PTPRD: variants seen among roughly 807,000 people sequenced by gnomAD.
PTPRD encodes the protein protein tyrosine phosphatase receptor type D.
Under a neutral mutation model 214.5 loss-of-function variants are expected in PTPRD, and 34 were observed. That is an observed-to-expected ratio of 0.16 (90% confidence interval 0.12 to 0.21). The LOEUF is 0.21. PTPRD is among the 10% of genes least tolerant of loss of function. PTPRD has a pLI of 1.00. For synonymous variants in PTPRD, 1,128 were observed against 845.7 expected (o/e 1.33, Z -5.79); for missense variants, 2,545 against 2,398.7 (o/e 1.06, Z -1.27).
At chr9:8,752,536 G>C (rs2093630122) in intron 11 of PTPRD, among the ~76,000 whole-genome samples, 1 of 152,078 alleles carries the variant, frequency 6.6e-6, no homozygotes, top group African/African-American at 2.4e-5. Context: ...TAATAAACTT[G>C]CTTTCACTTT....
intron 2 of PTPRD, among the ~76,000 whole-genome samples, chr9:10,415,912 G>A (rs1298082523): frequency 6.6e-6 from 1 of 151,882 alleles, no homozygotes; most frequent in Non-Finnish European, 1.5e-5. Context: ...GAAATCCAGA[G>A]AGAGAACATT....
At chr9:8,515,732 T>C (rs149430595) in intron 21 of PTPRD, among the ~76,000 whole-genome samples, 5 of 152,290 alleles carry the variant, frequency 3.3e-5, no homozygotes, top group Non-Finnish European at 5.9e-5. Context: ...ATTAAGTATA[T>C]TTCCCTCACA....
intron 7 of PTPRD, among the ~76,000 whole-genome samples, chr9:9,675,663 T>A (rs942800531): frequency 1.3e-5 from 2 of 152,032 alleles, no homozygotes; most frequent in African/African-American, 4.8e-5. Flanking sequence ...TCTATGAAAT[T>A]AGCACCAGAG....
intron 2 of PTPRD, among the ~76,000 whole-genome samples, chr9:10,434,169 T>C (rs1246623748): frequency 6.6e-6 from 1 of 151,898 alleles, no homozygotes; most frequent in Non-Finnish European, 1.5e-5. Flanking sequence ...CAAATTTAGT[T>C]GACTCTCTAG....
intron 3 of PTPRD, among the ~76,000 whole-genome samples, chr9:10,125,315 G>C (rs140628237): frequency 2.5e-3 from 377 of 151,794 alleles, no homozygotes; most frequent in Non-Finnish European, 4.1e-3. Context: ...ATTTAAAGTG[G>C]TTGTGAGGAA....
intron 5 of PTPRD, among the ~76,000 whole-genome samples, chr9:9,767,125 GA>G (rs1156523815): frequency 6.7e-6 from 1 of 150,064 alleles, no homozygotes; most frequent in East Asian, 2.0e-4. Flanking sequence ...AACTTTCCAG[GA>G]AAAAATTATA....
intron 3 of PTPRD, among the ~76,000 whole-genome samples, chr9:10,278,491 C>A (rs1431877133): frequency 6.6e-6 from 1 of 152,074 alleles, no homozygotes; most frequent in African/African-American, 2.4e-5. Context: ...ATCTAATTTG[C>A]ACATAGTAAT....
intron 8 of PTPRD, among the ~76,000 whole-genome samples, chr9:9,435,902 T>C (rs2085053256): frequency 6.6e-6 from 1 of 152,182 alleles, no homozygotes. Context: ...GGAAATCAGA[T>C]GTCTGGCACA....
chr9:10,493,957 C>G (rs986444871), intron 2 of PTPRD, among the ~76,000 whole-genome samples: 3 of 151,978 alleles, frequency 2.0e-5, no homozygotes, highest in East Asian at 3.9e-4. Context: ...GATGCCATAT[C>G]TATTTGACAT....
chr9:9,143,313 G>A (rs2099863393), intron 10 of PTPRD, among the ~76,000 whole-genome samples: 1 of 152,128 alleles, frequency 6.6e-6, no homozygotes, highest in African/African-American at 2.4e-5. Context: ...CACACAGCTG[G>A]TCAGTCAGTG....
intron 8 of PTPRD, among the ~76,000 whole-genome samples, chr9:9,552,643 A>G (rs897676245): frequency 6.6e-6 from 1 of 152,044 alleles, no homozygotes; most frequent in African/African-American, 2.4e-5. Flanking sequence ...TGTTTTGCAG[A>G]CATTGCTTCT....
intron 2 of PTPRD, among the ~76,000 whole-genome samples, chr9:10,379,863 T>C (rs1315809342): frequency 3.3e-5 from 5 of 152,102 alleles, no homozygotes; most frequent in African/African-American, 9.7e-5. Context: ...ATATATTTTG[T>C]CTGATTCTTT....
At chr9:9,606,277 C>T (rs1464939331) in intron 7 of PTPRD, among the ~76,000 whole-genome samples, 2 of 152,086 alleles carry the variant, frequency 1.3e-5, no homozygotes, top group Non-Finnish European at 2.9e-5. Context: ...GACCCTGGAG[C>T]TATTTCCTGA....
rs75801569 is a variant in PTPRD, at chr9:9,978,814, C to A, written c.-471-40204G>T. On this transcript the variant is annotated intron_variant, in intron 4 of 45. Coordinates refer to ENST00000381196, the MANE Select transcript of PTPRD (RefSeq NM_002839.4). The stretch of plus-strand genomic sequence containing the variant: ...ACACAGATCGAAGAGTACAGGTACA[C>A]ACTGAGATACATCTCAGTCACACTG... Among the ~76,000 whole-genome samples the A allele has an allele frequency of 7.4e-3, 1,119 of 152,090 alleles. 20 individuals are homozygous for A. The highest frequency in any genetic ancestry group is 0.026 in the African/African-American group (1,065 of 41,532).
intron 4 of PTPRD, among the ~76,000 whole-genome samples, chr9:9,967,004 A>G (rs2094751843): frequency 6.6e-6 from 1 of 152,160 alleles, no homozygotes; most frequent in South Asian, 2.1e-4. Context: ...TAGGGACTAC[A>G]GATCACAGAT....
chr9:9,628,913 C>A (rs923400075), intron 7 of PTPRD, among the ~76,000 whole-genome samples: 9 of 151,860 alleles, frequency 5.9e-5, no homozygotes, highest in Non-Finnish European at 1.0e-4. Flanking sequence ...GTGGCCCACA[C>A]CTGTAATCCC....
chr9:8,391,270 T>C (rs904108406), intron 36 of PTPRD, among the ~76,000 whole-genome samples: 1 of 152,128 alleles, frequency 6.6e-6, no homozygotes, highest in African/African-American at 2.4e-5. Context: ...AGAAAGGTAA[T>C]GAAAATCAGA....
intron 21 of PTPRD, among the ~76,000 whole-genome samples, chr9:8,507,750 T>G (rs984748472): frequency 2.0e-5 from 3 of 152,182 alleles, no homozygotes; most frequent in African/African-American, 7.2e-5. Context: ...TAATAAATAA[T>G]ATAATTTACA....
chr9:9,222,996 CT>C (rs1248922763), intron 9 of PTPRD, among the ~76,000 whole-genome samples: 1 of 151,942 alleles, frequency 6.6e-6, no homozygotes, highest in East Asian at 1.9e-4. Context: ...TAAACTATGA[CT>C]TTTTCTTACT....
Sources: allele counts gnomAD v4.1 joint callset (sites outside exome capture counted in the v4.1 genomes callset), GRCh38; gene constraint gnomAD v4.1.1; transcripts MANE v1.5; gene names NCBI Gene and HGNC (gene_info 2026-07-23, HGNC 2026-07-21).